The following DPP6 variants were observed in gnomAD, a reference collection of about 807,000 sequenced individuals.
DPP6 encodes the protein A-type potassium channel modulatory protein DPP6.
A neutral mutation model predicts 122.6 loss-of-function variants in DPP6; 69 were observed. The observed-to-expected ratio is 0.56, with a 90% CI of 0.46 to 0.69. DPP6 has a LOEUF of 0.69. Among genes scored for constraint, DPP6 ranks in the 30% least tolerant of loss-of-function variants. DPP6 has a pLI of 0.00. For synonymous variants in DPP6, 418 were observed against 433.1 expected, an observed-to-expected ratio of 0.97 and a Z score of 0.43; for missense variants, 928 against 1,116.9, an observed-to-expected ratio of 0.83 and a Z score of 2.41.
At chr7:154,719,786 A>G (rs1441478152) in intron 7 of DPP6, among the ~76,000 whole-genome samples, 1 of 152,206 alleles carries the variant, frequency 6.6e-6, no homozygotes, top group East Asian at 1.9e-4. Context: ...TCTAGTGTTC[A>G]GCAGAAATGG....
chr7:154,234,947 A>G (rs1205728884), intron 1 of DPP6, among the ~76,000 whole-genome samples: 1 of 152,128 alleles, frequency 6.6e-6, no homozygotes, highest in African/African-American at 2.4e-5. Flanking sequence ...CAAAATCTTG[A>G]TACCGGACAC....
chr7:153,796,779 G>A, the DPP6 span, among the ~76,000 whole-genome samples: 2 of 152,046 alleles, frequency 1.3e-5, no homozygotes, highest in Admixed American at 6.5e-5. Flanking sequence ...TCCTAAGTTG[G>A]CAGTACTCCG....
At chr7:153,831,693 T>A in the DPP6 span, among the ~76,000 whole-genome samples, 1 of 152,224 alleles carries the variant, frequency 6.6e-6, no homozygotes, top group Non-Finnish European at 1.5e-5. Flanking sequence ...AATGTTTTTT[T>A]AATTTTGTTA....
the DPP6 span, among the ~76,000 whole-genome samples, chr7:153,804,272 G>A: frequency 1.4e-4 from 22 of 151,926 alleles, no homozygotes; most frequent in Non-Finnish European, 2.1e-4. Flanking sequence ...GACTGGTCTC[G>A]AACTCCTGAC....
At chr7:153,767,520 A>C in the DPP6 span, among the ~76,000 whole-genome samples, 1 of 142,030 alleles carries the variant, frequency 7.0e-6, no homozygotes, top group Non-Finnish European at 1.5e-5. Flanking sequence ...GGTGCCTACC[A>C]TAACACCCGG....
intron 16 of DPP6, among the ~76,000 whole-genome samples, chr7:154,817,994 A>G (rs1236788062): frequency 1.3e-5 from 2 of 152,222 alleles, no homozygotes; most frequent in Non-Finnish European, 2.9e-5. Context: ...ACACCTCCAC[A>G]TGGTGAGACT....
intron 1 of DPP6, among the ~76,000 whole-genome samples, chr7:154,387,033 G>A (rs1487112648): frequency 6.6e-6 from 1 of 152,164 alleles, no homozygotes; most frequent in Admixed American, 6.5e-5. Flanking sequence ...ATCAAGTGAG[G>A]CAGGACAGCA....
intron 1 of DPP6, among the ~76,000 whole-genome samples, chr7:153,951,253 C>T (rs1359172497): frequency 6.6e-6 from 1 of 152,124 alleles, no homozygotes; most frequent in African/African-American, 2.4e-5. Context: ...GGGGAGTGAG[C>T]GTGGAACTCG....
chr7:154,782,760 G>A (rs2150405934), intron 10 of DPP6, among the ~76,000 whole-genome samples: 1 of 152,030 alleles, frequency 6.6e-6, no homozygotes, highest in Admixed American at 6.6e-5. Context: ...GTGAGGCTTG[G>A]GAGTTTGCAT....
At chr7:154,442,245 T>C (rs1819440776) in intron 1 of DPP6, among the ~76,000 whole-genome samples, 1 of 152,070 alleles carries the variant, frequency 6.6e-6, no homozygotes, top group African/African-American at 2.4e-5. Context: ...TGTCCTTAAG[T>C]AGTTTGCCCC....
the DPP6 span, among the ~76,000 whole-genome samples, chr7:153,826,604 C>T: frequency 1.3e-4 from 20 of 152,116 alleles, no homozygotes; most frequent in African/African-American, 4.3e-4. Flanking sequence ...TATCCCCCAC[C>T]TGCTAGGAAA....
chr7:154,388,965 C>T (rs1042315319), intron 1 of DPP6, among the ~76,000 whole-genome samples: 1 of 152,078 alleles, frequency 6.6e-6, no homozygotes, highest in Admixed American at 6.6e-5. Flanking sequence ...AATGACATTC[C>T]AAGAGCCCAT....
chr7:153,785,881 AT>A, the DPP6 span, among the ~76,000 whole-genome samples: 1 of 137,370 alleles, frequency 7.3e-6, no homozygotes. Flanking sequence ...CTGTCTTTTT[AT>A]TTTTAAAACT....
chr7:153,778,967 T>C, the DPP6 span, among the ~76,000 whole-genome samples: 1 of 147,840 alleles, frequency 6.8e-6, no homozygotes, highest in African/African-American at 2.7e-5. Context: ...AACAAATTGT[T>C]ACTTTCATGC....
At chr7:154,834,856 T>C (rs890610527) in intron 16 of DPP6, among the ~76,000 whole-genome samples, 12 of 152,222 alleles carry the variant, frequency 7.9e-5, no homozygotes, top group Non-Finnish European at 1.6e-4. Flanking sequence ...TGAGAAAGAC[T>C]CTAGGAGACA....
chr7:154,776,252 G>C (rs925360107), intron 10 of DPP6, among the ~76,000 whole-genome samples: 12 of 130,674 alleles, frequency 9.2e-5, no homozygotes, highest in Middle Eastern at 4.1e-3. Flanking sequence ...TACATAGATA[G>C]ATAGATAGAT....
intron 1 of DPP6, among the ~76,000 whole-genome samples, chr7:154,431,538 T>TTTC (rs1818417695): frequency 1.9e-5 from 2 of 107,528 alleles, no homozygotes; most frequent in Non-Finnish European, 3.5e-5. Flanking sequence ...TTCTTTCTTT[T>TTTC]TTTTTTTTTT....
the DPP6 span, among the ~76,000 whole-genome samples, chr7:153,832,332 G>T: frequency 1.3e-5 from 2 of 152,206 alleles, no homozygotes; most frequent in African/African-American, 2.4e-5. Context: ...AAAATCTCCA[G>T]CCACGAGGGG....
At position 154,828,889 on chromosome 7, in the gene DPP6, G is replaced by A. The variant is rs192806183; in HGVS notation, c.1666+21777G>A. Among the ~76,000 whole-genome samples, 10 of 152,188 alleles carry A rather than the reference G, an allele frequency of 6.6e-5. No homozygotes were observed. In the East Asian group the frequency reaches 1.5e-3, roughly 23 times the overall value. ...CAGTAGCCTACACACCTCAGAATTT[G>A]TTTTTTAGTTTTTCAGCCCTACTTT... On this transcript the variant is annotated intron_variant, in intron 16 of 25. Transcript: ENST00000377770.
Sources: gnomAD v4.1 joint callset for allele counts (sites outside exome capture counted in the v4.1 genomes callset) on GRCh38, gnomAD v4.1.1 for gene constraint, MANE v1.5 for transcripts, NCBI Gene and HGNC (gene_info 2026-07-23, HGNC 2026-07-21) for gene names.